Variants in MYL12A observed in about 807,000 individuals in gnomAD.
The protein encoded by MYL12A is myosin light chain 12A.
MYL12A carries 11 observed loss-of-function variants against 13.3 expected under a neutral mutation model. The observed-to-expected ratio is 0.83, with a 90% CI of 0.52 to 1.37. The LOEUF (loss-of-function observed/expected upper bound fraction) is 1.37, where lower values mean the gene tolerates loss of function less well. Among genes scored for constraint, MYL12A ranks in the 40% most tolerant of loss-of-function variants. MYL12A has a pLI of 0.00. For synonymous variants in MYL12A, 51 were observed against 69.9 expected (o/e 0.73, Z 1.35); for missense variants, 146 against 212.3 (o/e 0.69, Z 1.94).
At position 3,255,590 on chromosome 18, in the gene MYL12A, G is replaced by C; in HGVS notation, c.344-156G>C. 4 of 910,786 alleles carry C rather than the reference G, an allele frequency of 4.4e-6. No individual in the cohort carries two copies. The South Asian group carries it at 8.4e-5, about 19-fold the overall frequency. 56.4% of individuals were successfully genotyped at this position (910,786 alleles called of 1,614,324 possible). A position where few individuals can be genotyped will look rare whatever the true frequency, so the allele number is the denominator to read the frequency against. On this transcript the variant is annotated intron_variant, in intron 3 of 3. Transcript: ENST00000217652. ...TAGGCATTTTTCTAGGCACTTCTCT[G>C]CTGAGGCTGTTTTAAGTAGGTGGAC...
At chr18:3,253,110 C>T (rs575213912) in intron 1 of MYL12A, 123 bp from the exon 2 acceptor site, 5 of 1,042,606 alleles carry the variant, frequency 4.8e-6, no homozygotes, top group African/African-American at 3.2e-5. Context: ...AGACACATTT[C>T]TGAGTAGCTC....
chr18:3,253,788 A>C (rs1303914490), intron 2 of MYL12A, 101 bp from the exon 3 acceptor site: 1 of 1,296,576 alleles, frequency 7.7e-7, no homozygotes, highest in African/African-American at 1.5e-5. Flanking sequence ...CAAACAGTAA[A>C]CTGTATGAAT....
intron 1 of MYL12A, chr18:3,248,178 C>T (rs540520920): frequency 3.3e-5 from 5 of 152,490 alleles, no homozygotes; most frequent in Admixed American, 6.5e-5. Flanking sequence ...AACCCGACCC[C>T]TGCAGAGCTG....
intron 1 of MYL12A, chr18:3,248,263 TCCC>T (rs974154067): frequency 1.3e-5 from 2 of 152,172 alleles, no homozygotes; most frequent in South Asian, 2.1e-4. Flanking sequence ...TAGCCCGTTG[TCCC>T]CCTGCTGCAG....
chr18:3,254,808 C>G (rs536509903), intron 3 of MYL12A, among the ~76,000 whole-genome samples: 2 of 152,338 alleles, frequency 1.3e-5, no homozygotes, highest in South Asian at 4.1e-4. Context: ...CTCAACATGG[C>G]GTAGCCAAGT....
At position 3,256,032 on chromosome 18, in the gene MYL12A, A is replaced by T; in HGVS notation, c.*114A>T. The T allele has an allele frequency of 2.9e-6, 4 of 1,380,454 alleles. No individual in the cohort carries two copies. Among genetic ancestry groups the T allele is most frequent in the Non-Finnish European group, 3.9e-6 (4 of 1,014,828 alleles). The allele number at this position is 1,380,454 out of a possible 1,614,324, so 85.5% of individuals were successfully genotyped here. A position where few individuals can be genotyped will look rare whatever the true frequency, so the allele number is the denominator to read the frequency against. Reference sequence around the variant, plus strand: ...TGCATTTCCTGTTGTATTTATTCTCAGCCATTTTGGGCATATGTATCTTTA... The same window carrying T: ...TGCATTTCCTGTTGTATTTATTCTCTGCCATTTTGGGCATATGTATCTTTA... On this transcript the variant is annotated 3_prime_UTR_variant, in exon 4 of 4. Coordinates refer to ENST00000217652, the MANE Select transcript of MYL12A (RefSeq NM_006471.4).
intron 1 of MYL12A, chr18:3,248,110 C>T (rs891362782): frequency 6.6e-6 from 1 of 152,382 alleles, no homozygotes; most frequent in Non-Finnish European, 1.5e-5. Flanking sequence ...ACTTGGAACT[C>T]TGGAAATGTG....
chr18:3,254,158 C>A, intron 3 of MYL12A, 108 bp downstream of exon 3: 3 of 1,273,460 alleles, frequency 2.4e-6, no homozygotes, highest in South Asian at 1.4e-5. Context: ...TGTACTACAC[C>A]TATTTTTTTA....
rs749516315 is a variant in MYL12A at position 3,255,767 on chromosome 18, T to A, written c.365T>A (p.Leu122Ter). The change falls in exon 4 of 4, where the codon TTG becomes TAG. Residue 122 changes from leucine to a stop codon, truncating the protein, a stop_gained. Coordinates refer to ENST00000217652, the MANE Select transcript of MYL12A (RefSeq NM_006471.4). LOFTEE classifies it high-confidence loss of function. ...EATGTIQEDY[L>*]RELLTTMGDR... ...CCAGGCACCATACAGGAAGATTACT[T>A]GAGAGAGCTGCTGACAACCATGGGG... The A allele has an allele frequency of 1.9e-6, 3 of 1,613,854 alleles. No individual in the cohort carries two copies. The East Asian group carries it at 6.7e-5, about 36-fold the overall frequency.
At chr18:3,254,165 T>G in intron 3 of MYL12A, 115 bp downstream of exon 3, 2 of 1,193,908 alleles carry the variant, frequency 1.7e-6, no homozygotes, top group Non-Finnish European at 2.3e-6. Flanking sequence ...CACCTATTTT[T>G]TTAGACAGAG....
chr18:3,255,695 A>ATT (rs2081529867), intron 3 of MYL12A, 51 bp from the exon 4 acceptor site: 1 of 1,557,926 alleles, frequency 6.4e-7, no homozygotes, highest in African/African-American at 1.4e-5. Flanking sequence ...ATTCTTTGTA[A>ATT]TTAACCCTCA....
At chr18:3,251,228 AAT>A (rs1226457979) in intron 1 of MYL12A, among the ~76,000 whole-genome samples, 2 of 152,176 alleles carry the variant, frequency 1.3e-5, no homozygotes, top group African/African-American at 4.8e-5. Context: ...AAGAATAGGA[AAT>A]ATATCAGAAT....
At chr18:3,255,079 G>A (rs1372654428) in intron 3 of MYL12A, among the ~76,000 whole-genome samples, 1 of 152,182 alleles carries the variant, frequency 6.6e-6, no homozygotes. Context: ...ACACCTTTCA[G>A]CTTACCACTG....
chr18:3,256,035 C>A lies in MYL12A; in HGVS notation c.*117C>A. On this transcript the variant is annotated 3_prime_UTR_variant, in exon 4 of 4. Coordinates refer to ENST00000217652, the MANE Select transcript of MYL12A (RefSeq NM_006471.4). Reference sequence around the variant, plus strand: ...ATTTCCTGTTGTATTTATTCTCAGCCATTTTGGGCATATGTATCTTTATAA... The same window carrying A: ...ATTTCCTGTTGTATTTATTCTCAGCAATTTTGGGCATATGTATCTTTATAA... The A allele has an allele frequency of 7.6e-7, 1 of 1,316,334 alleles. No individual in the cohort carries two copies. The highest frequency in any genetic ancestry group is 1.4e-5 in the South Asian group (1 of 72,352). The allele number at this position is 1,316,334 out of a possible 1,614,324, so 81.5% of individuals were successfully genotyped here.
chr18:3,247,492 C>G (rs1479965093), upstream of MYL12A: 1 of 152,302 alleles, frequency 6.6e-6, no homozygotes, highest in Admixed American at 6.5e-5. Context: ...CGCCCTTCGC[C>G]GTGCCCTGGA....
upstream of MYL12A, chr18:3,247,756 A>C (rs925372897): frequency 3.9e-5 from 6 of 151,948 alleles, no homozygotes; most frequent in Non-Finnish European, 7.4e-5. Context: ...AGTCAGACCC[A>C]CTCTGCGGGC....
chr18:3,253,488 G>C, intron 2 of MYL12A, 60 bp downstream of exon 2: 3 of 1,565,846 alleles, frequency 1.9e-6, no homozygotes, highest in Non-Finnish European at 2.6e-6. Flanking sequence ...CTTTCATCTT[G>C]ATTTCATGAG....
chr18:3,254,931 C>G (rs2081522044), intron 3 of MYL12A, among the ~76,000 whole-genome samples: 1 of 152,222 alleles, frequency 6.6e-6, no homozygotes, highest in Non-Finnish European at 1.5e-5. Flanking sequence ...GCTTTCAAGG[C>G]TCCCCACATG....
chr18:3,254,916 C>T lies in MYL12A; in HGVS notation c.344-830C>T, dbSNP rs184834146. Among the ~76,000 whole-genome samples, 38 of 152,360 alleles carry T rather than the reference C, an allele frequency of 2.5e-4. No individual in the cohort carries two copies. The East Asian group carries it at 2.5e-3, about 10-fold the overall frequency. The stretch of plus-strand genomic sequence containing the variant: ...CAGGGCCTGCTGATGGAAGCATGGT[C>T]TGTGGCTTTCAAGGCTCCCCACATG... On this transcript the variant is annotated intron_variant, in intron 3 of 3. Coordinates refer to ENST00000217652, the MANE Select transcript of MYL12A (RefSeq NM_006471.4).
Sources: gnomAD v4.1 joint callset for allele counts (sites outside exome capture counted in the v4.1 genomes callset) on GRCh38, gnomAD v4.1.1 for gene constraint, MANE v1.5 for transcripts, NCBI Gene and HGNC (gene_info 2026-07-23, HGNC 2026-07-21) for gene names.